IVD: variants seen among roughly 807,000 people sequenced by gnomAD.
IVD encodes isovaleryl-CoA dehydrogenase.
Under a neutral mutation model 51.3 loss-of-function variants are expected in IVD, and 31 were observed. The ratio of observed to expected loss-of-function variants is 0.60; its 90% confidence interval spans 0.45 to 0.81. The LOEUF is 0.81. IVD is among the 40% of genes least tolerant of loss of function. The pLI is 0.00. For missense variants in IVD, 475 were observed against 552.0 expected (o/e 0.86, Z 1.40); for synonymous variants, 205 against 219.4 (o/e 0.93, Z 0.58).
At chr15:40,433,804 G>A (rs1340054368) in intron 7 of IVD, 1 of 456,206 alleles carries the variant, frequency 2.2e-6, no homozygotes, top group Non-Finnish European at 4.4e-6. Flanking sequence ...GAGTCACCTA[G>A]AAGAGCCCAC....
At chr15:40,422,781 G>A (rs1314699584), downstream of IVD, among the ~76,000 whole-genome samples, 1 of 64,184 alleles carries the variant, frequency 1.6e-5, no homozygotes, top group Non-Finnish European at 4.0e-5. Context: ...TGTATTTTTA[G>A]TAGAGACGGG....
At chr15:40,417,413 C>T (rs1891823018) in intron 11 of IVD, among the ~76,000 whole-genome samples, 1 of 148,898 alleles carries the variant, frequency 6.7e-6, no homozygotes, top group Admixed American at 6.9e-5. Flanking sequence ...GAGGCTGAGG[C>T]AGGAGAATCA....
downstream of IVD, chr15:40,421,364 G>T (rs1892285284): frequency 1.0e-6 from 1 of 985,378 alleles, no homozygotes; most frequent in East Asian, 1.1e-4. Context: ...TTTGGTTCTT[G>T]TGGGCGTGTT....
chr15:40,425,387 G>A (rs1892609124), downstream of IVD, among the ~76,000 whole-genome samples: 1 of 149,910 alleles, frequency 6.7e-6, no homozygotes, highest in African/African-American at 2.5e-5. Flanking sequence ...ATAGATCCCT[G>A]AACAATATTG....
Position 40,420,173 on chromosome 15 carries a change from G to A in IVD, c.*1910G>A. On this transcript the variant is annotated 3_prime_UTR_variant, in exon 12 of 12. Coordinates refer to ENST00000487418, the MANE Select transcript of IVD (RefSeq NM_002225.5). ...CAGGGGGGGCAGAGCAGAGGACAGC[G>A]TGCTTTTGTGTACTGTTGGAAGACT... is the stretch of plus-strand genomic sequence containing the variant. The A allele has an allele frequency of 4.1e-6, 4 of 985,756 alleles. No individual in the cohort carries two copies. The highest frequency in any genetic ancestry group is 4.8e-6 in the Non-Finnish European group (4 of 830,146). The allele number at this position is 985,756 out of a possible 1,614,324, so 61.1% of individuals were successfully genotyped here.
At chr15:40,421,981 C>T (rs1275582027), downstream of IVD, among the ~76,000 whole-genome samples, 2 of 152,212 alleles carry the variant, frequency 1.3e-5, no homozygotes, top group Non-Finnish European at 2.9e-5. Flanking sequence ...CTGTCGCGAC[C>T]CCCAGCCTAG....
At chr15:40,429,924 T>C (rs114337750) in intron 7 of IVD, among the ~76,000 whole-genome samples, 44 of 152,352 alleles carry the variant, frequency 2.9e-4, no homozygotes, top group African/African-American at 9.1e-4. Context: ...CCAATTGTTA[T>C]CCAGTTGTTG....
intron 7 of IVD, among the ~76,000 whole-genome samples, chr15:40,432,607 G>C (rs1031646901): frequency 6.6e-6 from 1 of 152,262 alleles, no homozygotes; most frequent in African/African-American, 2.4e-5. Context: ...TCTGGGTTTT[G>C]CAAGACTAGA....
Position 40,410,749 on chromosome 15 carries a change from G to T in IVD, c.408G>T (p.Gln136His). The change falls in exon 4 of 12, where the codon CAG becomes CAT. Residue 136 changes from glutamine to histidine, a missense_variant. Physicochemically the swap from Gln to His is conservative, Grantham distance 24 (BLOSUM62 0). Coordinates refer to ENST00000487418, the MANE Select transcript of IVD (RefSeq NM_002225.5). ...YGAHSNLCIN[Q>H]LVRNGNEAQK... ...CCCACTCCAACCTCTGCATCAACCA[G>T]CTTGTACGCAATGGGAATGAGGCCC... is the stretch of plus-strand genomic sequence containing the variant. The T allele has an allele frequency of 6.2e-7, 1 of 1,614,212 alleles. No homozygotes were observed. The highest frequency in any genetic ancestry group is 8.5e-7 in the Non-Finnish European group (1 of 1,180,050).
chr15:40,430,004 C>T (rs759954374), intron 7 of IVD, among the ~76,000 whole-genome samples: 3 of 152,212 alleles, frequency 2.0e-5, no homozygotes, highest in Non-Finnish European at 4.4e-5. Context: ...TGTTGGTGAT[C>T]ACTCCTGAAA....
Position 40,421,150 on chromosome 15 carries a change from G to A in IVD, c.*2887G>A, listed in dbSNP as rs1566946744. The A allele has an allele frequency of 1.0e-6, 1 of 985,434 alleles. No homozygotes were observed. Among genetic ancestry groups the A allele is most frequent in the Non-Finnish European group, 1.2e-6 (1 of 830,008 alleles). 61.0% of individuals were successfully genotyped at this position (985,434 alleles called of 1,614,324 possible). ...AAAAGGGCCATCTTGCTGGCTTAAT[G>A]TGTGGCTGGAGAGACCAGCCTGGAG... On this transcript the variant is annotated 3_prime_UTR_variant, in exon 12 of 12. Coordinates refer to ENST00000487418, the MANE Select transcript of IVD (RefSeq NM_002225.5).
downstream of IVD, among the ~76,000 whole-genome samples, chr15:40,422,505 G>C (rs956009963): frequency 1.4e-5 from 2 of 146,676 alleles, no homozygotes; most frequent in Non-Finnish European, 3.0e-5. Context: ...GGATGGTCTC[G>C]ATCTCCCGAC....
intron 7 of IVD, among the ~76,000 whole-genome samples, chr15:40,432,937 G>A (rs545449203): frequency 6.6e-6 from 1 of 152,346 alleles, no homozygotes; most frequent in African/African-American, 2.4e-5. Context: ...ATTCCAGTAT[G>A]GAAGCAGGGC....
At chr15:40,426,977 T>C (rs1483799974), downstream of IVD, among the ~76,000 whole-genome samples, 2 of 152,130 alleles carry the variant, frequency 1.3e-5, no homozygotes, top group Non-Finnish European at 2.9e-5. Context: ...TACGTTTCCA[T>C]TTACCCTGCC....
chr15:40,428,439 T>C (rs761877119), downstream of IVD, among the ~76,000 whole-genome samples: 62 of 152,152 alleles, frequency 4.1e-4, no homozygotes, highest in Non-Finnish European at 7.6e-4. Flanking sequence ...AAGCAGGTGG[T>C]TGTGAAATAG....
downstream of IVD, among the ~76,000 whole-genome samples, chr15:40,426,402 G>A (rs770580974): frequency 2.0e-5 from 3 of 151,918 alleles, no homozygotes; most frequent in African/African-American, 4.8e-5. Context: ...GCCGGGTGTG[G>A]TGGTGGATGC....
chr15:40,418,674 G>A lies in IVD; in HGVS notation c.*411G>A. 8.8e-7 allele frequency: 1 copy of A among 1,141,282 alleles called. No homozygotes were observed. Among genetic ancestry groups the A allele is most frequent in the Non-Finnish European group, 1.1e-6 (1 of 920,466 alleles). 70.7% of individuals were successfully genotyped at this position (1,141,282 alleles called of 1,614,324 possible). ...TTCTCTTGGGTGAGGCTCTGGCAAG[G>A]AGATCTCTCTGCTCAAGCACAGCAG... On this transcript the variant is annotated 3_prime_UTR_variant, in exon 12 of 12. Coordinates refer to ENST00000487418, the MANE Select transcript of IVD (RefSeq NM_002225.5).
In IVD at chr15:40,418,553, T is replaced by G; in HGVS notation, c.*290T>G. ...TTGGTGACTCTGTGCCCTTGCTCTC[T>G]AACTTCTGAGCCCACCTCCCAGGGT... is the stretch of plus-strand genomic sequence containing the variant. On this transcript the variant is annotated 3_prime_UTR_variant, in exon 12 of 12. Transcript: ENST00000487418. 1 of 1,225,306 alleles carries G rather than the reference T, an allele frequency of 8.2e-7. No individual in the cohort carries two copies. Among genetic ancestry groups the G allele is most frequent in the Admixed American group, 3.5e-5 (1 of 28,232 alleles). The allele number at this position is 1,225,306 out of a possible 1,614,324, so 75.9% of individuals were successfully genotyped here.
intron 1 of IVD, chr15:40,406,332 T>TA (rs1566930260): frequency 7.4e-7 from 1 of 1,348,278 alleles, no homozygotes. Context: ...GTAGTTCACT[T>TA]ACACCTGAAC....
Sources: allele counts gnomAD v4.1 joint callset (sites outside exome capture counted in the v4.1 genomes callset), GRCh38; gene constraint gnomAD v4.1.1; transcripts MANE v1.5; gene names NCBI Gene and HGNC (gene_info 2026-07-23, HGNC 2026-07-21).